BSPRY: variants seen among roughly 807,000 people sequenced by gnomAD.
BSPRY encodes B box and SPRY domain-containing protein.
BSPRY carries 33 observed loss-of-function variants against 38.0 expected under a neutral mutation model. The ratio of observed to expected loss-of-function variants is 0.87; its 90% CI spans 0.66 to 1.16. The LOEUF is 1.16. Ranked by LOEUF, BSPRY falls within the 50% of genes most tolerant of loss-of-function variation. The pLI is 0.00. For synonymous variants in BSPRY, 224 were observed against 228.5 expected (o/e 0.98, Z 0.18); for missense variants, 523 against 533.2 (o/e 0.98, Z 0.19).
rs759927390 is a variant in BSPRY, at chr9:113,364,335, G to A, written c.557+1941G>A. On this transcript the variant is annotated intron_variant, in intron 4 of 5. Coordinates refer to ENST00000374183, the MANE Select transcript of BSPRY (RefSeq NM_017688.3). Reference sequence around the variant, plus strand: ...GTTTGTGAAATATTGCAGTGTAGACGGATCATATTTATTTTACTGTCTCCT... The same window carrying A: ...GTTTGTGAAATATTGCAGTGTAGACAGATCATATTTATTTTACTGTCTCCT... Among the ~76,000 whole-genome samples, 14 of 152,198 alleles carry A rather than the reference G, an allele frequency of 9.2e-5. No homozygotes were observed. In the South Asian group the frequency reaches 1.7e-3, roughly 18 times the overall value.
Position 113,354,265 on chromosome 9 carries a change from G to A in BSPRY, c.227G>A (p.Arg76Lys). The change falls in exon 2 of 6, where the codon AGG becomes AAG. Residue 76 changes from arginine (R) to lysine (K), a missense_variant. By Grantham distance (26) the Arg-to-Lys change is conservative. Coordinates refer to ENST00000374183, the MANE Select transcript of BSPRY (RefSeq NM_017688.3). Reference protein sequence around the residue: ...LRNKIVDQCERLQLQSAAITK... With the variant: ...LRNKIVDQCEKLQLQSAAITK... ...AACAAGATTGTGGACCAGTGTGAGA[G>A]GCTGCAGTTACAGAGTGCTGCCATC... is the stretch of plus-strand genomic sequence containing the variant. The A allele has an allele frequency of 1.9e-6, 3 of 1,614,178 alleles. No individual in the cohort carries two copies. Among genetic ancestry groups the A allele is most frequent in the Non-Finnish European group, 2.5e-6 (3 of 1,180,016 alleles).
chr9:113,354,691 A>G (rs10817485), intron 2 of BSPRY, among the ~76,000 whole-genome samples: 83,066 of 151,866 alleles, frequency 0.55, 23,065 homozygotes, highest in South Asian at 0.64. Flanking sequence ...TATGAAGTAG[A>G]TAGCAGTAAC....
chr9:113,355,574 C>T (rs1468463045), intron 2 of BSPRY, among the ~76,000 whole-genome samples: 1 of 151,468 alleles, frequency 6.6e-6, no homozygotes, highest in Non-Finnish European at 1.5e-5. Flanking sequence ...CTGGTTATGA[C>T]CTTAGTACTG....
chr9:113,358,799 G>A (rs897045952), intron 2 of BSPRY, among the ~76,000 whole-genome samples: 6 of 152,170 alleles, frequency 3.9e-5, no homozygotes, highest in Non-Finnish European at 8.8e-5. Context: ...TTTTGATCCA[G>A]GATCACACAG....
Position 113,360,578 on chromosome 9 carries a change from G to A in BSPRY, c.372G>A (p.Glu124=). Residue 124 remains glutamate, a synonymous_variant, in exon 3 of 6, where the codon GAG becomes GAA. Coordinates refer to ENST00000374183, the MANE Select transcript of BSPRY (RefSeq NM_017688.3). ...TGGTGAGGAGTCTTTGCGAGAGCGA[G>A]GAGCAGCGGTTACTGGAACAGGTGC... is the stretch of plus-strand genomic sequence containing the variant. ...LSLVRSLCES[E]EQRLLEQVHG... is the part of the protein sequence containing the mutation. 1 of 1,608,914 alleles carries A rather than the reference G, an allele frequency of 6.2e-7. No individual in the cohort carries two copies. Among genetic ancestry groups the A allele is most frequent in the South Asian group, 1.1e-5 (1 of 89,672 alleles).
Position 113,369,803 on chromosome 9 carries a change from G to C in BSPRY, c.870G>C (p.Val290=), listed in dbSNP as rs765270513. 4.3e-6 allele frequency: 7 copies of C among 1,614,112 alleles called. No individual in the cohort carries two copies. The Admixed American group carries it at 1.2e-4, about 27-fold the overall frequency. The part of the protein sequence containing the change: ...SFQNGLHAWM[V]NVQNSCAYKV... Reference sequence around the variant, plus strand: ...AGAATGGGCTCCATGCCTGGATGGTGAATGTCCAGAACAGTTGTGCCTATA... The same window carrying C: ...AGAATGGGCTCCATGCCTGGATGGTCAATGTCCAGAACAGTTGTGCCTATA... The change falls in exon 6 of 6, where the codon GTG becomes GTC. Residue 290 remains valine, a synonymous_variant. Coordinates refer to ENST00000374183, the MANE Select transcript of BSPRY (RefSeq NM_017688.3).
At position 113,362,399 on chromosome 9, in the gene BSPRY, G is replaced by A; in HGVS notation, c.557+5G>A. 6.2e-7 allele frequency: 1 copy of A among 1,614,066 alleles called. No individual in the cohort carries two copies. Among genetic ancestry groups the A allele is most frequent in the Non-Finnish European group, 8.5e-7 (1 of 1,179,988 alleles). ...GGAGCAAGAGATTTTCGAGAGGTGA[G>A]TATAGACCCCGTGATTTGACTGGGT... On this transcript the variant is annotated splice_donor_5th_base_variant and intron_variant, in intron 4 of 5. Transcript: ENST00000374183.
chr9:113,359,833 G>A (rs937676574), intron 2 of BSPRY, among the ~76,000 whole-genome samples: 2 of 151,950 alleles, frequency 1.3e-5, no homozygotes, highest in African/African-American at 4.8e-5. Flanking sequence ...CTAGGAGTTT[G>A]AGACCAGCTT....
chr9:113,368,437 G>A, intron 5 of BSPRY, 54 bp downstream of exon 5: 2 of 1,589,956 alleles, frequency 1.3e-6, no homozygotes, highest in Non-Finnish European at 1.7e-6. Flanking sequence ...CTGTCTGTCT[G>A]TCTGGGGTTC....
At position 113,370,174 on chromosome 9, in the gene BSPRY, C is replaced by G; in HGVS notation, c.*32C>G. ...GCCACAGGAAGCCAGGTCCACCGCC[C>G]ACCACCCTTTCAGGCCATGTTTCTA... On this transcript the variant is annotated 3_prime_UTR_variant, in exon 6 of 6. Coordinates refer to ENST00000374183, the MANE Select transcript of BSPRY (RefSeq NM_017688.3). The surrounding 1 kb of genome is among the most constrained non-coding windows in gnomAD (Gnocchi z 4.8). 1 of 1,522,660 alleles carries G rather than the reference C, an allele frequency of 6.6e-7. No individual in the cohort carries two copies. Among genetic ancestry groups the G allele is most frequent in the East Asian group, 2.3e-5 (1 of 44,040 alleles). 94.3% of individuals were successfully genotyped at this position (1,522,660 alleles called of 1,614,324 possible).
chr9:113,367,653 A>G (rs1588069066), intron 4 of BSPRY, among the ~76,000 whole-genome samples: 1 of 152,020 alleles, frequency 6.6e-6, no homozygotes, highest in East Asian at 1.9e-4. Flanking sequence ...TTACTGAGGG[A>G]CTCTGGCAAG....
intron 1 of BSPRY, among the ~76,000 whole-genome samples, chr9:113,353,593 C>T (rs936562262): frequency 6.6e-6 from 1 of 152,066 alleles, no homozygotes; most frequent in African/African-American, 2.4e-5. Context: ...ATCCCAGCTA[C>T]TTGGGAGGCT....
Position 113,354,258 on chromosome 9 carries a change from T to A in BSPRY, c.220T>A (p.Cys74Ser), listed in dbSNP as rs776546213. The A allele has an allele frequency of 8.1e-6, 13 of 1,614,052 alleles. No homozygotes were observed. Among genetic ancestry groups the A allele is most frequent in the Non-Finnish European group, 1.1e-5 (13 of 1,180,010 alleles). Residue 74 changes from cysteine (C) to serine (S), a missense_variant, in exon 2 of 6, where the codon TGT becomes AGT. By Grantham distance (112) the Cys-to-Ser change is moderately radical. Transcript: ENST00000374183. ...EELRNKIVDQ[C>S]ERLQLQSAAI... ...GTTGCAGAACAAGATTGTGGACCAG[T>A]GTGAGAGGCTGCAGTTACAGAGTGC...
intron 1 of BSPRY, among the ~76,000 whole-genome samples, chr9:113,353,108 G>A (rs1287196057): frequency 6.6e-6 from 1 of 152,212 alleles, no homozygotes; most frequent in Admixed American, 6.5e-5. Context: ...ATAACGGGCT[G>A]AGCGTGGTGG....
intron 4 of BSPRY, among the ~76,000 whole-genome samples, chr9:113,367,596 G>A (rs531667785): frequency 1.1e-4 from 16 of 152,198 alleles, no homozygotes; most frequent in Non-Finnish European, 2.2e-4. Flanking sequence ...CTATCGTGCA[G>A]GGGTTCCAGA....
chr9:113,365,593 C>T (rs889539758), intron 4 of BSPRY, among the ~76,000 whole-genome samples: 3 of 152,140 alleles, frequency 2.0e-5, no homozygotes, highest in African/African-American at 7.2e-5. Context: ...GCTGCTTCTC[C>T]AGGGCACCTG....
At chr9:113,362,875 A>G (rs1345474597) in intron 4 of BSPRY, among the ~76,000 whole-genome samples, 1 of 152,206 alleles carries the variant, frequency 6.6e-6, no homozygotes, top group Admixed American at 6.5e-5. Context: ...GCTCTTCAGT[A>G]ATAAAAGAAT....
intron 4 of BSPRY, among the ~76,000 whole-genome samples, chr9:113,367,938 T>C (rs145539722): frequency 0.014 from 2,087 of 151,970 alleles, 42 homozygotes; most frequent in African/African-American, 0.048. Context: ...TTAAGCAATC[T>C]TCCCACCTCA....
intron 5 of BSPRY, among the ~76,000 whole-genome samples, chr9:113,369,344 G>C (rs1376618050): frequency 6.6e-6 from 1 of 152,120 alleles, no homozygotes; most frequent in African/African-American, 2.4e-5. Context: ...TACAGTTGAG[G>C]GTCTTGACTG....
Sources: gnomAD v4.1 joint callset for allele counts (sites outside exome capture counted in the v4.1 genomes callset) on GRCh38, gnomAD v4.1.1 for gene constraint, Gnocchi (gnomAD v3.1) non-coding constraint, MANE v1.5 for transcripts, NCBI Gene and HGNC (gene_info 2026-07-23, HGNC 2026-07-21) for gene names.